Variants in GLYATL2 observed in about 807,000 individuals in gnomAD.
GLYATL2 encodes glycine N-acyltransferase-like protein 2.
Under a neutral mutation model 21.4 loss-of-function variants are expected in GLYATL2, and 25 were observed. The observed-to-expected ratio is 1.17, with a 90% CI of 0.85 to 1.63. The LOEUF is 1.63. Among genes scored for constraint, GLYATL2 ranks in the 40% most tolerant of loss-of-function variants. The pLI is 0.00. For synonymous variants in GLYATL2, 114 were observed against 118.2 expected (o/e 0.96, Z 0.23); for missense variants, 361 against 343.3 (o/e 1.05, Z -0.41).
chr11:58,852,173 G>A (rs1213708128), intron 1 of GLYATL2, among the ~76,000 whole-genome samples: 2 of 152,110 alleles, frequency 1.3e-5, no homozygotes, highest in African/African-American at 2.4e-5. Context: ...ACTTTCATAG[G>A]CTCACTCCTT....
At chr11:58,865,092 C>T (rs668254) in intron 1 of GLYATL2, among the ~76,000 whole-genome samples, 129,771 of 147,676 alleles carry the variant, frequency 0.88, 58,919 homozygotes, top group Non-Finnish European at 0.98. Context: ...TCAAGGTTTA[C>T]ACATGAAACA....
At chr11:58,903,420 C>T (rs932222064) in intron 1 of GLYATL2, among the ~76,000 whole-genome samples, 2 of 152,100 alleles carry the variant, frequency 1.3e-5, no homozygotes, top group Non-Finnish European at 2.9e-5. Flanking sequence ...TATCTGTAAC[C>T]ACAGCACATT....
intron 1 of GLYATL2, among the ~76,000 whole-genome samples, chr11:58,901,331 T>C (rs963177868): frequency 1.5e-4 from 23 of 152,224 alleles, no homozygotes; most frequent in Admixed American, 1.3e-4. Context: ...AAGATTTTCA[T>C]GCATCATACA....
chr11:58,836,897 C>G, intron 5 of GLYATL2, 118 bp downstream of exon 5: 2 of 855,678 alleles, frequency 2.3e-6, no homozygotes, highest in South Asian at 1.6e-5. Flanking sequence ...CTTTCTTTAC[C>G]CATGCAATTG....
At chr11:58,881,906 A>G (rs1854343043) in intron 1 of GLYATL2, among the ~76,000 whole-genome samples, 1 of 152,212 alleles carries the variant, frequency 6.6e-6, no homozygotes, top group African/African-American at 2.4e-5. Context: ...GTCCCTACAA[A>G]GGACATGAAC....
chr11:58,859,996 A>G (rs1157070196), intron 1 of GLYATL2, among the ~76,000 whole-genome samples: 1 of 152,166 alleles, frequency 6.6e-6, no homozygotes, highest in African/African-American at 2.4e-5. Flanking sequence ...TTATGCTAGT[A>G]CCATCCTGTT....
At chr11:58,892,699 T>C (rs532872659) in intron 1 of GLYATL2, 19 of 356,946 alleles carry the variant, frequency 5.3e-5, no homozygotes, top group African/African-American at 8.5e-5. Context: ...TAAGAGCAGC[T>C]GCATTTTCAA....
At chr11:58,838,230 T>C in intron 3 of GLYATL2, 31 bp downstream of exon 3, 1 of 1,392,474 alleles carries the variant, frequency 7.2e-7, no homozygotes, top group Non-Finnish European at 1.0e-6. Flanking sequence ...GGAGAGTGAC[T>C]ACCCTCATAT....
chr11:58,849,140 G>C (rs1853694396), upstream of GLYATL2, among the ~76,000 whole-genome samples: 1 of 152,140 alleles, frequency 6.6e-6, no homozygotes, highest in African/African-American at 2.4e-5. Flanking sequence ...GACAAGAGCT[G>C]AGGGATTTCA....
At chr11:58,842,778 A>G (rs1853577339) in intron 1 of GLYATL2, among the ~76,000 whole-genome samples, 1 of 152,198 alleles carries the variant, frequency 6.6e-6, no homozygotes, top group Non-Finnish European at 1.5e-5. Flanking sequence ...ATTGAATTTT[A>G]ACTTCATAGA....
At chr11:58,877,799 A>T (rs1854264424) in intron 1 of GLYATL2, among the ~76,000 whole-genome samples, 4 of 152,256 alleles carry the variant, frequency 2.6e-5, no homozygotes, top group African/African-American at 7.2e-5. Flanking sequence ...ATGTATAGAC[A>T]ATAGTTTCAG....
intron 1 of GLYATL2, among the ~76,000 whole-genome samples, chr11:58,870,011 G>T (rs760299446): frequency 1.3e-5 from 2 of 152,138 alleles, no homozygotes; most frequent in Non-Finnish European, 1.5e-5. Context: ...CGGAGACTGA[G>T]GTGGGAAGAT....
At chr11:58,871,450 C>T (rs1854118323) in intron 1 of GLYATL2, among the ~76,000 whole-genome samples, 1 of 134,504 alleles carries the variant, frequency 7.4e-6, no homozygotes, top group Non-Finnish European at 1.6e-5. Context: ...CACCCCACAA[C>T]AGGCCCCGGT....
chr11:58,839,907 C>A (rs1853513852), intron 1 of GLYATL2, among the ~76,000 whole-genome samples: 1 of 152,078 alleles, frequency 6.6e-6, no homozygotes, highest in Non-Finnish European at 1.5e-5. Context: ...AATATATCTC[C>A]CATGCTCATT....
At chr11:58,894,962 CAGATAAT>C (rs1854609761) in intron 1 of GLYATL2, among the ~76,000 whole-genome samples, 1 of 5,028 alleles carries the variant, frequency 2.0e-4, no homozygotes, top group South Asian at 0.02. Flanking sequence ...AAAGCTAATA[CAGATAAT>C]ACAGATGACA....
intron 1 of GLYATL2, among the ~76,000 whole-genome samples, chr11:58,851,910 C>T (rs757142110): frequency 9.2e-5 from 14 of 151,976 alleles, no homozygotes; most frequent in African/African-American, 2.4e-4. Flanking sequence ...CCTACTGAGA[C>T]GAGAAGAGAT....
At chr11:58,870,703 G>A (rs757459856) in intron 1 of GLYATL2, among the ~76,000 whole-genome samples, 1 of 152,204 alleles carries the variant, frequency 6.6e-6, no homozygotes, top group Non-Finnish European at 1.5e-5. Context: ...ACTTGTTTCT[G>A]TCAGTCCTCC....
At chr11:58,891,121 C>T (rs1370583354) in intron 1 of GLYATL2, among the ~76,000 whole-genome samples, 2 of 152,160 alleles carry the variant, frequency 1.3e-5, no homozygotes, top group Non-Finnish European at 2.9e-5. Flanking sequence ...TATTCAGGAA[C>T]TTGCATTTAT....
chr11:58,844,910 C>T (rs72913208), upstream of GLYATL2: 1 of 152,208 alleles, frequency 6.6e-6, no homozygotes, highest in Non-Finnish European at 1.5e-5. Context: ...CCATTTGTGG[C>T]TTGGAAAAAG....
Sources: gnomAD v4.1 joint callset for allele counts (sites outside exome capture counted in the v4.1 genomes callset) on GRCh38, gnomAD v4.1.1 for gene constraint, MANE v1.5 for transcripts, NCBI Gene and HGNC (gene_info 2026-07-23, HGNC 2026-07-21) for gene names.